The following GRIK2 variants were observed in gnomAD, a reference collection of about 807,000 sequenced individuals.
GRIK2 encodes glutamate receptor ionotropic, kainate 2.
GRIK2 carries 32 observed loss-of-function variants against 100.3 expected under a neutral mutation model. That is an observed-to-expected ratio of 0.32 (90% CI 0.24 to 0.43). The LOEUF is 0.43. Among genes scored for constraint, GRIK2 ranks in the 20% least tolerant of loss-of-function variants. GRIK2 has a pLI of 1.00. For missense variants in GRIK2, 843 were observed against 1,114.9 expected (o/e 0.76, Z 3.47); for synonymous variants, 417 against 389.4 (o/e 1.07, Z -0.83).
At chr6:101,680,938 C>T (rs935933103) in intron 5 of GRIK2, among the ~76,000 whole-genome samples, 2 of 152,098 alleles carry the variant, frequency 1.3e-5, no homozygotes, top group African/African-American at 4.8e-5. Context: ...TTCCTGTGCT[C>T]AATTCTTTGA....
At chr6:102,003,125 A>G (rs1179356638) in intron 14 of GRIK2, among the ~76,000 whole-genome samples, 1 of 151,616 alleles carries the variant, frequency 6.6e-6, no homozygotes. Context: ...CCTTGATATA[A>G]GTTTAACTTA....
At chr6:101,623,318 A>G (rs1451432240) in intron 3 of GRIK2, among the ~76,000 whole-genome samples, 1 of 152,114 alleles carries the variant, frequency 6.6e-6, no homozygotes, top group Non-Finnish European at 1.5e-5. Context: ...ATGAATACAA[A>G]TAAGTTTCCA....
chr6:101,914,346 G>A (rs1788956020), intron 12 of GRIK2, among the ~76,000 whole-genome samples: 1 of 151,354 alleles, frequency 6.6e-6, no homozygotes, highest in Non-Finnish European at 1.5e-5. Context: ...TGAGTATGAA[G>A]TATAGCATTA....
chr6:101,562,115 GTCTGTGAAAAGGGGGGAAA>G (rs1777050218), intron 2 of GRIK2, among the ~76,000 whole-genome samples: 1 of 152,094 alleles, frequency 6.6e-6, no homozygotes, highest in Non-Finnish European at 1.5e-5. Flanking sequence ...CTCAGTGCAT[GTCTGTGAAAAGGGGGGAAA>G]TCTATTGTAT....
At chr6:101,857,091 G>A (rs2128442143) in intron 10 of GRIK2, among the ~76,000 whole-genome samples, 1 of 152,272 alleles carries the variant, frequency 6.6e-6, no homozygotes, top group Admixed American at 6.5e-5. Flanking sequence ...GAGTCTCAGA[G>A]GAGCAGTAGT....
chr6:101,580,879 A>G (rs1035222071), intron 2 of GRIK2, among the ~76,000 whole-genome samples: 1 of 151,944 alleles, frequency 6.6e-6, no homozygotes, highest in East Asian at 1.9e-4. Flanking sequence ...CTCCAATGCT[A>G]CCTTCTCAGT....
chr6:101,907,782 T>C (rs547234195), intron 12 of GRIK2, among the ~76,000 whole-genome samples: 1 of 151,844 alleles, frequency 6.6e-6, no homozygotes, highest in South Asian at 2.1e-4. Context: ...CCATAAAATA[T>C]GACTACGACA....
intron 2 of GRIK2, among the ~76,000 whole-genome samples, chr6:101,536,696 A>G (rs1456446294): frequency 6.6e-6 from 1 of 151,642 alleles, no homozygotes; most frequent in Non-Finnish European, 1.5e-5. Flanking sequence ...ATTGCCTTTT[A>G]TATTTTTAGA....
chr6:101,520,130 T>C (rs1774807131), intron 2 of GRIK2, among the ~76,000 whole-genome samples: 1 of 151,138 alleles, frequency 6.6e-6, no homozygotes. Flanking sequence ...CTGTAAATAA[T>C]GATAGTGTAT....
chr6:101,422,628 C>T (rs1026470206), intron 2 of GRIK2, among the ~76,000 whole-genome samples: 2 of 151,572 alleles, frequency 1.3e-5, no homozygotes, highest in Non-Finnish European at 2.9e-5. Flanking sequence ...GAAATACTCC[C>T]AGGCTTTCAC....
Position 101,533,545 on chromosome 6 carries a change from C to T in GRIK2, c.116-88404C>T, listed in dbSNP as rs191236386. 5.7e-3 allele frequency among the ~76,000 whole-genome samples: 872 copies of T among 151,884 alleles called. 6 individuals carry two copies. The highest frequency in any genetic ancestry group is 0.02 in the African/African-American group (827 of 41,464). ...TGTCCTTTGTAAGGTATCATAGTGC[C>T]TATGAGAGGATTTTTAATCTACAAA... On this transcript the variant is annotated intron_variant, in intron 2 of 16. Coordinates refer to ENST00000369134, the MANE Select transcript of GRIK2 (RefSeq NM_021956.5).
At chr6:101,834,532 G>A (rs1782937868) in intron 10 of GRIK2, among the ~76,000 whole-genome samples, 1 of 152,020 alleles carries the variant, frequency 6.6e-6, no homozygotes, top group Non-Finnish European at 1.5e-5. Flanking sequence ...ATTAAAAGTT[G>A]TATAGCTAGT....
At chr6:101,603,542 T>C (rs912517909) in intron 2 of GRIK2, among the ~76,000 whole-genome samples, 2 of 151,720 alleles carry the variant, frequency 1.3e-5, no homozygotes, top group African/African-American at 4.8e-5. Flanking sequence ...TAAAGGCTAC[T>C]CTCCGCAAAG....
At chr6:101,792,639 C>T (rs1779963341) in intron 7 of GRIK2, among the ~76,000 whole-genome samples, 1 of 152,138 alleles carries the variant, frequency 6.6e-6, no homozygotes, top group Non-Finnish European at 1.5e-5. Context: ...CTGCCGTTAA[C>T]ATTTTTTCCT....
intron 14 of GRIK2, among the ~76,000 whole-genome samples, chr6:101,965,837 G>T (rs1792636801): frequency 1.3e-5 from 2 of 151,866 alleles, no homozygotes; most frequent in South Asian, 4.2e-4. Flanking sequence ...ACTAATTGGA[G>T]AAAAATATAT....
At chr6:101,504,786 C>T (rs1287396210) in intron 2 of GRIK2, among the ~76,000 whole-genome samples, 1 of 151,886 alleles carries the variant, frequency 6.6e-6, no homozygotes, top group African/African-American at 2.4e-5. Flanking sequence ...AGAAGTTGCC[C>T]AGAATTTATG....
At chr6:102,064,324 C>A (rs540023681) in intron 16 of GRIK2, among the ~76,000 whole-genome samples, 1 of 147,934 alleles carries the variant, frequency 6.8e-6, no homozygotes, top group Non-Finnish European at 1.5e-5. Flanking sequence ...CTCCTCCTTC[C>A]TTTCCTTTCC....
intron 7 of GRIK2, among the ~76,000 whole-genome samples, chr6:101,700,702 T>C (rs1182062542): frequency 6.6e-6 from 1 of 151,220 alleles, no homozygotes; most frequent in African/African-American, 2.5e-5. Context: ...TTAAGATCAG[T>C]CCCTTCTAAC....
intron 4 of GRIK2, among the ~76,000 whole-genome samples, chr6:101,664,984 C>T (rs1050469770): frequency 6.6e-6 from 1 of 152,148 alleles, no homozygotes; most frequent in Middle Eastern, 3.2e-3. Context: ...CTGGGCCCCT[C>T]GCATGGCATG....
Sources: allele counts gnomAD v4.1 joint callset (sites outside exome capture counted in the v4.1 genomes callset), GRCh38; gene constraint gnomAD v4.1.1; transcripts MANE v1.5; gene names NCBI Gene and HGNC (gene_info 2026-07-23, HGNC 2026-07-21).